DOK5: variants seen among roughly 807,000 people sequenced by gnomAD.
DOK5 encodes downstream of tyrosine kinase 5.
Under a neutral mutation model 43.3 loss-of-function variants are expected in DOK5, and 27 were observed. The observed-to-expected ratio is 0.62, with a 90% CI of 0.46 to 0.86. The LOEUF is 0.86. Ranked by LOEUF, DOK5 falls within the 40% of genes least tolerant of loss-of-function variation. The pLI, the probability that DOK5 is intolerant of heterozygous loss-of-function variation, is 0.00. For synonymous variants in DOK5, 146 were observed against 140.1 expected (o/e 1.04, Z -0.30); for missense variants, 373 against 392.9 (o/e 0.95, Z 0.43).
chr20:54,595,134 G>A (rs1986097648), intron 5 of DOK5, among the ~76,000 whole-genome samples: 1 of 152,210 alleles, frequency 6.6e-6, no homozygotes, highest in Admixed American at 6.5e-5. Context: ...GAGGTCAGGA[G>A]ATCGAGACCA....
chr20:54,572,279 G>T (rs1034320170), intron 2 of DOK5, among the ~76,000 whole-genome samples: 4 of 151,732 alleles, frequency 2.6e-5, no homozygotes, highest in Non-Finnish European at 4.4e-5. Context: ...TCCTGCCTCA[G>T]CCTCCCGTGT....
intron 1 of DOK5, among the ~76,000 whole-genome samples, chr20:54,545,707 T>C (rs189570357): frequency 2.2e-4 from 34 of 152,342 alleles, no homozygotes; most frequent in Middle Eastern, 6.8e-3. Context: ...ATGGAGTTCT[T>C]TTCAAAGCAA....
intron 2 of DOK5, among the ~76,000 whole-genome samples, chr20:54,578,840 TG>T (rs1311579267): frequency 6.6e-6 from 1 of 152,136 alleles, no homozygotes; most frequent in African/African-American, 2.4e-5. Flanking sequence ...AATCATGAAA[TG>T]GGCAAAAAAG....
intron 2 of DOK5, among the ~76,000 whole-genome samples, chr20:54,567,759 G>A (rs757530110): frequency 1.3e-5 from 2 of 152,096 alleles, no homozygotes; most frequent in Admixed American, 6.5e-5. Context: ...AGCCTATAGA[G>A]CAAATTGTGG....
At chr20:54,649,435 T>TA (rs1035367186) in intron 7 of DOK5, among the ~76,000 whole-genome samples, 2 of 152,056 alleles carry the variant, frequency 1.3e-5, no homozygotes, top group African/African-American at 4.8e-5. Flanking sequence ...TAAAATAAAA[T>TA]AAAAACAACA....
Position 54,643,493 on chromosome 20 carries a change from G to A in DOK5, c.771G>A (p.Leu257=), listed in dbSNP as rs947914174. 3 of 1,613,662 alleles carry A rather than the reference G, an allele frequency of 1.9e-6. No individual in the cohort carries two copies. In the Admixed American group the frequency reaches 5.0e-5, roughly 27 times the overall value. The part of the protein sequence containing the change: ...QMKMSERAAS[L]STMVPLPRSA... ...AGATGAGTGAGCGGGCCGCCTCGCT[G>A]AGCACCATGGTGCCCCTGCCTCGCA... is the stretch of plus-strand genomic sequence containing the variant. Residue 257 remains leucine, a synonymous_variant, in exon 7 of 8, where the codon CTG becomes CTA. Transcript: ENST00000262593.
chr20:54,525,769 A>G (rs1011464292), intron 1 of DOK5, among the ~76,000 whole-genome samples: 3 of 152,196 alleles, frequency 2.0e-5, no homozygotes, highest in African/African-American at 7.2e-5. Flanking sequence ...CGATGAAAAA[A>G]TTTTTGTGGT....
Position 54,551,286 on chromosome 20 carries a change from C to G in DOK5, c.67-3647C>G, listed in dbSNP as rs143129126. On this transcript the variant is annotated intron_variant, in intron 1 of 7. Transcript: ENST00000262593. ...CTGTTGTGATTTGAGGGTTCTTTGC[C>G]TATTCTAGATACCAGTTCTTTGTCA... Among the ~76,000 whole-genome samples the G allele has an allele frequency of 9.5e-3, 1,453 of 152,302 alleles. 32 individuals are homozygous for G. Among genetic ancestry groups the G allele is most frequent in the African/African-American group, 0.033 (1,390 of 41,562 alleles).
intron 6 of DOK5, among the ~76,000 whole-genome samples, chr20:54,638,679 T>A (rs1013133623): frequency 2.0e-5 from 3 of 152,068 alleles, no homozygotes; most frequent in Non-Finnish European, 2.9e-5. Context: ...TTTTAGTAGG[T>A]TATACGGGGT....
chr20:54,546,102 C>T (rs1427106636), intron 1 of DOK5, among the ~76,000 whole-genome samples: 1 of 152,168 alleles, frequency 6.6e-6, no homozygotes, highest in African/African-American at 2.4e-5. Context: ...GCATATTTCT[C>T]CTAGCTTTTG....
At chr20:54,607,956 C>T (rs143986079) in intron 5 of DOK5, among the ~76,000 whole-genome samples, 3 of 151,812 alleles carry the variant, frequency 2.0e-5, no homozygotes, top group African/African-American at 7.3e-5. Context: ...AGTGATTTTC[C>T]AAGAGTAAAA....
In DOK5 at chr20:54,588,590, C is replaced by A. The variant is rs144328268; in HGVS notation, c.282C>A (p.Cys94Ter). 2 of 1,614,110 alleles carry A rather than the reference C, an allele frequency of 1.2e-6. No homozygotes were observed. The highest frequency in any genetic ancestry group is 8.5e-7 in the Non-Finnish European group (1 of 1,179,970). The change falls in exon 3 of 8, where the codon TGC becomes TGA. Residue 94 changes from cysteine to a stop codon, truncating the protein, a stop_gained. Coordinates refer to ENST00000262593, the MANE Select transcript of DOK5 (RefSeq NM_018431.5). LOFTEE classifies it high-confidence loss of function. ...FNDDTSKTFA[C>*]ESDLEADEWC... ...ACGATACCTCCAAGACTTTTGCTTG[C>A]GAATCAGGTTTGTCTCAGGCAGGGC...
chr20:54,606,057 T>C (rs1986459847), intron 5 of DOK5, among the ~76,000 whole-genome samples: 1 of 152,208 alleles, frequency 6.6e-6, no homozygotes, highest in Admixed American at 6.5e-5. Context: ...TTATGTTGCC[T>C]TTGGTAGGTG....
intron 6 of DOK5, 23 bp from the exon 7 acceptor site, chr20:54,643,432 CACA>C: frequency 6.2e-7 from 1 of 1,611,506 alleles, no homozygotes; most frequent in Non-Finnish European, 8.5e-7. Flanking sequence ...GTTGCTGACG[CACA>C]ACTTTCTTCC....
intron 1 of DOK5, among the ~76,000 whole-genome samples, chr20:54,546,750 A>G (rs1334370983): frequency 1.3e-5 from 2 of 152,180 alleles, no homozygotes; most frequent in Non-Finnish European, 2.9e-5. Flanking sequence ...TAGAATAACT[A>G]TAGAAACCTA....
intron 6 of DOK5, among the ~76,000 whole-genome samples, chr20:54,620,642 T>C (rs1986948597): frequency 6.6e-6 from 1 of 152,238 alleles, no homozygotes; most frequent in South Asian, 2.1e-4. Context: ...ATGGTCTCTT[T>C]GGATGACCAT....
chr20:54,570,328 T>G (rs889135022), intron 2 of DOK5, among the ~76,000 whole-genome samples: 1 of 152,238 alleles, frequency 6.6e-6, no homozygotes, highest in African/African-American at 2.4e-5. Flanking sequence ...GTTTTATTTT[T>G]GAAGACAACG....
At chr20:54,493,631 T>C (rs1313264470) in intron 1 of DOK5, among the ~76,000 whole-genome samples, 1 of 152,158 alleles carries the variant, frequency 6.6e-6, no homozygotes, top group African/African-American at 2.4e-5. Context: ...GGCTACCATA[T>C]TGGACAACAC....
At chr20:54,632,327 G>T (rs762346376) in intron 6 of DOK5, among the ~76,000 whole-genome samples, 1 of 152,108 alleles carries the variant, frequency 6.6e-6, no homozygotes, top group African/African-American at 2.4e-5. Flanking sequence ...ATATTTTAAG[G>T]TTTCTGCCCT....
Sources: gnomAD v4.1 joint callset for allele counts (sites outside exome capture counted in the v4.1 genomes callset) on GRCh38, gnomAD v4.1.1 for gene constraint, MANE v1.5 for transcripts, NCBI Gene and HGNC (gene_info 2026-07-23, HGNC 2026-07-21) for gene names.